The following PCDHA5 variants were observed in gnomAD, a reference collection of about 807,000 sequenced individuals.
PCDHA5 encodes the protein protocadherin alpha 5.
A neutral mutation model predicts 61.6 loss-of-function variants in PCDHA5; 43 were observed. That is an observed-to-expected ratio of 0.70 (90% CI 0.55 to 0.90). The LOEUF (loss-of-function observed/expected upper bound fraction) is 0.90. Ranked by LOEUF, PCDHA5 falls within the 40% of genes least tolerant of loss-of-function variation. The pLI is 0.00. For synonymous variants in PCDHA5, 627 were observed against 543.9 expected, an observed-to-expected ratio of 1.15 and a Z score of -2.13; for missense variants, 1,298 against 1,222.7, an observed-to-expected ratio of 1.06 and a Z score of -0.92.
At chr5:141,004,117 G>A (rs2098153806) in intron 3 of PCDHA5, among the ~76,000 whole-genome samples, 1 of 152,236 alleles carries the variant, frequency 6.6e-6, no homozygotes. Flanking sequence ...TCAAAAGGGA[G>A]TATCTCCATG....
At chr5:140,956,788 G>T (rs2095310590) in intron 1 of PCDHA5, among the ~76,000 whole-genome samples, 1 of 152,094 alleles carries the variant, frequency 6.6e-6, no homozygotes, top group African/African-American at 2.4e-5. Flanking sequence ...GGCTTTGTTT[G>T]CTTGGTGGGC....
intron 1 of PCDHA5, chr5:140,851,704 T>C (rs1454502056): frequency 2.1e-6 from 2 of 950,842 alleles, no homozygotes; most frequent in African/African-American, 1.8e-5. Context: ...TGATCAGCCA[T>C]GTGAAGATTC....
Position 140,824,630 on chromosome 5 carries a change from TTTA to T in PCDHA5, c.2352+506_2352+508del, listed in dbSNP as rs1222367338. The T allele has an allele frequency of 6.7e-3, 821 of 121,994 alleles. 129 individuals carry two copies. The highest frequency in any genetic ancestry group is 0.019 in the African/African-American group (519 of 27,074). 7.6% of individuals were successfully genotyped at this position (121,994 alleles called of 1,614,324 possible). A position where few individuals can be genotyped will look rare whatever the true frequency, so the allele number is the denominator to read the frequency against. Reference sequence around the variant, plus strand: ...TTAAAGTTTTTTTTTTTTTTTTTTTTTTATTTTCTGTAGAGATAGGGGTCTTGC... The same window carrying T: ...TTAAAGTTTTTTTTTTTTTTTTTTTTTTTTCTGTAGAGATAGGGGTCTTGC... On this transcript the variant is annotated intron_variant, in intron 1 of 3. Coordinates refer to ENST00000529859, the MANE Select transcript of PCDHA5 (RefSeq NM_018908.3).
In PCDHA5 at chr5:141,010,190, C is replaced by T. The variant is rs868983471; in HGVS notation, c.*253C>T. On this transcript the variant is annotated 3_prime_UTR_variant, in exon 4 of 4. Coordinates refer to ENST00000529859, the MANE Select transcript of PCDHA5 (RefSeq NM_018908.3). ...GAACCTAAAAAGCAGACCCAAGTTT[C>T]CTTTCTCCTCCGCCGCAAAGGAGAG... The T allele has an allele frequency of 6.4e-7, 1 of 1,552,504 alleles. No homozygotes were observed. Among genetic ancestry groups the T allele is most frequent in the Non-Finnish European group, 8.7e-7 (1 of 1,147,234 alleles).
intron 1 of PCDHA5, chr5:140,877,670 C>A: frequency 6.2e-7 from 1 of 1,613,654 alleles, no homozygotes; most frequent in Non-Finnish European, 8.5e-7. Flanking sequence ...AGCCGGTGCG[C>A]GCCGGGCAAG....
At chr5:140,877,269 T>A in intron 1 of PCDHA5, 1 of 1,613,758 alleles carries the variant, frequency 6.2e-7, no homozygotes. Flanking sequence ...CGGTGGACGC[T>A]GACTCCGGCT....
At chr5:140,829,072 T>G in intron 1 of PCDHA5, 2 of 1,612,584 alleles carry the variant, frequency 1.2e-6, no homozygotes, top group Non-Finnish European at 1.7e-6. Context: ...ACAAAGGCCA[T>G]CCTCCCATGG....
At chr5:140,969,661 G>A (rs2096351521) in intron 1 of PCDHA5, among the ~76,000 whole-genome samples, 2 of 152,166 alleles carry the variant, frequency 1.3e-5, no homozygotes, top group Non-Finnish European at 2.9e-5. Context: ...GTTTTAGGGA[G>A]TAATGTTATG....
intron 1 of PCDHA5, chr5:140,850,022 A>T (rs2150463810): frequency 4.4e-6 from 7 of 1,596,794 alleles, no homozygotes; most frequent in Non-Finnish European, 6.0e-6. Context: ...GCTACGTGTC[A>T]GTGCACGCGG....
At position 140,960,310 on chromosome 5, in the gene PCDHA5, C is replaced by A. The variant is rs143765051; in HGVS notation, c.2353-18639C>A. Among the ~76,000 whole-genome samples, 659 of 152,264 alleles carry A rather than the reference C, an allele frequency of 4.3e-3. 9 individuals are homozygous for A. Among genetic ancestry groups the A allele is most frequent in the Admixed American group, 4.1e-3 (63 of 15,288 alleles). ...CCAGTTTCTTCATCAATACCAACCTCATTAGGGTCCTGTGAGAAGTACATG... is the reference window on the plus strand; with the variant it reads ...CCAGTTTCTTCATCAATACCAACCTAATTAGGGTCCTGTGAGAAGTACATG... On this transcript the variant is annotated intron_variant, in intron 1 of 3. Transcript: ENST00000529859.
intron 1 of PCDHA5, chr5:140,870,876 G>T: frequency 1.2e-6 from 2 of 1,613,958 alleles, no homozygotes; most frequent in Non-Finnish European, 1.7e-6. Flanking sequence ...ACGTGGTGGC[G>T]AAGGTGCGCG....
intron 1 of PCDHA5, among the ~76,000 whole-genome samples, chr5:140,907,040 G>A (rs781947448): frequency 1.4e-4 from 21 of 152,290 alleles, no homozygotes; most frequent in Non-Finnish European, 2.4e-4. Context: ...ATGTCACAGG[G>A]ACAGTAAGCA....
At chr5:140,875,667 G>T in intron 1 of PCDHA5, 1 of 1,613,820 alleles carries the variant, frequency 6.2e-7, no homozygotes, top group Non-Finnish European at 8.5e-7. Flanking sequence ...GCCTGTTCCG[G>T]GTGGCGTCCA....
Position 140,843,203 on chromosome 5 carries a change from A to T in PCDHA5, c.2352+19076A>T, listed in dbSNP as rs149174279. 6.3e-7 allele frequency: 1 copy of T among 1,595,824 alleles called. No homozygotes were observed. The highest frequency in any genetic ancestry group is 1.3e-5 in the African/African-American group (1 of 74,416). ...CATCCCGTTCCGCGTGGGGCTGTAC[A>T]CGGGCGAGATCAGCACCACTCGTGT... On this transcript the variant is annotated intron_variant, in intron 1 of 3. Transcript: ENST00000529859.
intron 1 of PCDHA5, among the ~76,000 whole-genome samples, chr5:140,956,672 G>A (rs571890845): frequency 1.3e-5 from 2 of 152,242 alleles, no homozygotes; most frequent in Admixed American, 1.3e-4. Context: ...AAAGGAGTTA[G>A]GGAGGAGTAC....
intron 1 of PCDHA5, among the ~76,000 whole-genome samples, chr5:140,914,458 A>G (rs1294717004): frequency 6.6e-6 from 1 of 152,004 alleles, no homozygotes; most frequent in Non-Finnish European, 1.5e-5. Flanking sequence ...TTTCCAGTCT[A>G]TGTGTATCTT....
In PCDHA5 at chr5:140,823,700, C is replaced by T. The variant is rs144257451; in HGVS notation, c.1925C>T (p.Pro642Leu). ...TTRSLDETEA[P>L]RHRLLVLVKD... ...CGCTCTCTGGATGAGACCGAAGCAC[C>T]GCGCCACCGCCTTCTGGTGCTGGTG... Residue 642 changes from proline (P) to leucine (L), a missense_variant, in exon 1 of 4, where the codon CCG becomes CTG. Coordinates refer to ENST00000529859, the MANE Select transcript of PCDHA5 (RefSeq NM_018908.3). 9.7e-5 allele frequency: 156 copies of T among 1,613,940 alleles called. No individual in the cohort carries two copies. In the African/African-American group the frequency reaches 1.9e-3, roughly 20 times the overall value.
intron 3 of PCDHA5, among the ~76,000 whole-genome samples, chr5:141,004,751 T>C (rs1323540564): frequency 2.0e-5 from 3 of 152,182 alleles, no homozygotes; most frequent in African/African-American, 7.2e-5. Flanking sequence ...TCTCAGTCTC[T>C]TAGAGACAGG....
chr5:140,927,077 G>C (rs568623488), intron 1 of PCDHA5: 29 of 1,610,728 alleles, frequency 1.8e-5, no homozygotes, highest in Non-Finnish European at 2.5e-5. Flanking sequence ...TCCAGCCACC[G>C]CGAGCTCTAC....
Sources: gnomAD v4.1 joint callset for allele counts (sites outside exome capture counted in the v4.1 genomes callset) on GRCh38, gnomAD v4.1.1 for gene constraint, MANE v1.5 for transcripts, NCBI Gene and HGNC (gene_info 2026-07-23, HGNC 2026-07-21) for gene names.